C9: variants seen among roughly 807,000 people sequenced by gnomAD.
C9 encodes the protein complement component C9.
C9 carries 63 observed loss-of-function variants against 65.4 expected under a neutral mutation model. That is an observed-to-expected ratio of 0.96 (90% CI 0.79 to 1.19). The LOEUF is 1.19. Among genes scored for constraint, C9 ranks in the 50% most tolerant of loss-of-function variants. The probability of loss-of-function intolerance (pLI) is 0.00; values close to 1 mark genes in which losing one functional copy is unlikely to be tolerated. For missense variants in C9, 744 were observed against 670.1 expected, an observed-to-expected ratio of 1.11 and a Z score of -1.22; for synonymous variants, 229 against 227.9, an observed-to-expected ratio of 1.00 and a Z score of -0.04.
intron 1 of C9, among the ~76,000 whole-genome samples, chr5:39,348,049 C>T (rs148102699): frequency 0.022 from 3,331 of 151,538 alleles, 121 homozygotes; most frequent in African/African-American, 0.077. Flanking sequence ...ACATGTTAGA[C>T]CTAAAACCAT....
intron 6 of C9, among the ~76,000 whole-genome samples, chr5:39,314,642 C>T (rs918901544): frequency 2.6e-5 from 4 of 152,070 alleles, no homozygotes; most frequent in Admixed American, 2.6e-4. Context: ...GTTTTTCCTA[C>T]ATTAGAGACT....
chr5:39,300,778 T>C (rs775319374), intron 9 of C9, among the ~76,000 whole-genome samples: 17 of 152,190 alleles, frequency 1.1e-4, no homozygotes, highest in Non-Finnish European at 2.2e-4. Flanking sequence ...TGTAGAGTTA[T>C]AGATTTCTTA....
chr5:39,354,260 C>T (rs1174144141), intron 1 of C9, among the ~76,000 whole-genome samples: 1 of 152,186 alleles, frequency 6.6e-6, no homozygotes, highest in Non-Finnish European at 1.5e-5. Context: ...TGACAGGCCA[C>T]ATCAAGAGGC....
At chr5:39,331,977 C>T (rs1464475581) in intron 4 of C9, among the ~76,000 whole-genome samples, 163 bp from the exon 5 acceptor site, 3 of 152,150 alleles carry the variant, frequency 2.0e-5, no homozygotes, top group Non-Finnish European at 4.4e-5. Context: ...CACCTTGGCT[C>T]AGTGTCTCTG....
At chr5:39,349,914 C>G (rs1308249859) in intron 1 of C9, among the ~76,000 whole-genome samples, 1 of 152,162 alleles carries the variant, frequency 6.6e-6, no homozygotes, top group Non-Finnish European at 1.5e-5. Context: ...GGATGTCTCT[C>G]TCTCTCTCTT....
intron 4 of C9, 23 bp from the exon 5 acceptor site, chr5:39,331,837 C>G: frequency 6.2e-7 from 1 of 1,610,852 alleles, no homozygotes; most frequent in Non-Finnish European, 8.5e-7. Context: ...AGAGTAGTAT[C>G]AGAAGTGGAA....
intron 5 of C9, among the ~76,000 whole-genome samples, chr5:39,321,265 A>C (rs1476664404): frequency 6.6e-6 from 1 of 152,148 alleles, no homozygotes; most frequent in African/African-American, 2.4e-5. Flanking sequence ...TAATTGTGAC[A>C]TCAAAAACAA....
chr5:39,305,859 T>C (rs1415673745), intron 9 of C9, among the ~76,000 whole-genome samples: 1 of 152,080 alleles, frequency 6.6e-6, no homozygotes, highest in African/African-American at 2.4e-5. Flanking sequence ...TTATGAACAT[T>C]TCTTTCATAA....
At chr5:39,310,072 C>T (rs1240198430) in intron 7 of C9, among the ~76,000 whole-genome samples, 2 of 152,108 alleles carry the variant, frequency 1.3e-5, no homozygotes, top group Non-Finnish European at 2.9e-5. Context: ...ACATTACATT[C>T]CACTCCCCCC....
intron 4 of C9, among the ~76,000 whole-genome samples, chr5:39,340,436 T>C (rs1225674310): frequency 6.6e-6 from 1 of 152,140 alleles, no homozygotes; most frequent in Non-Finnish European, 1.5e-5. Flanking sequence ...GTAGTAGATA[T>C]TCCTAGGATG....
intron 1 of C9, among the ~76,000 whole-genome samples, chr5:39,354,660 A>T (rs115466604): frequency 0.012 from 1,836 of 152,320 alleles, 36 homozygotes; most frequent in African/African-American, 0.042. Context: ...GCTGAACAAA[A>T]CAGAAATGTC....
At chr5:39,354,316 C>G (rs1176954929) in intron 1 of C9, among the ~76,000 whole-genome samples, 2 of 152,130 alleles carry the variant, frequency 1.3e-5, no homozygotes, top group Non-Finnish European at 2.9e-5. Context: ...GTCTCAATAC[C>G]AAGTACATAT....
chr5:39,357,680 G>A (rs1340585736), intron 1 of C9, among the ~76,000 whole-genome samples: 2 of 152,202 alleles, frequency 1.3e-5, no homozygotes, highest in African/African-American at 4.8e-5. Flanking sequence ...GAGTTGGGAG[G>A]GAGGGCAGTG....
At chr5:39,328,244 T>G (rs1400013782) in intron 5 of C9, among the ~76,000 whole-genome samples, 1 of 152,226 alleles carries the variant, frequency 6.6e-6, no homozygotes, top group Non-Finnish European at 1.5e-5. Flanking sequence ...TGAAAGCTCC[T>G]GCCTATGACT....
chr5:39,327,653 C>T (rs920321576), intron 5 of C9, among the ~76,000 whole-genome samples: 2 of 152,026 alleles, frequency 1.3e-5, no homozygotes, highest in African/African-American at 4.8e-5. Context: ...CAATGGCAGA[C>T]AACTGGATAT....
intron 1 of C9, among the ~76,000 whole-genome samples, chr5:39,352,808 C>T (rs1754344610): frequency 6.6e-6 from 1 of 151,972 alleles, no homozygotes; most frequent in African/African-American, 2.4e-5. Context: ...TCAGTAGCTT[C>T]CCACCACTCT....
intron 9 of C9, among the ~76,000 whole-genome samples, chr5:39,302,221 C>T (rs1753298089): frequency 6.6e-6 from 1 of 151,974 alleles, no homozygotes; most frequent in African/African-American, 2.4e-5. Flanking sequence ...TGAAGGGTTC[C>T]ATCTTTTTCT....
At chr5:39,312,707 G>T (rs1263497672) in intron 6 of C9, among the ~76,000 whole-genome samples, 1 of 152,128 alleles carries the variant, frequency 6.6e-6, no homozygotes, top group Non-Finnish European at 1.5e-5. Flanking sequence ...CCACAATTTT[G>T]CAAATGGATC....
intron 4 of C9, among the ~76,000 whole-genome samples, chr5:39,335,148 C>T (rs990931843): frequency 6.6e-6 from 1 of 152,184 alleles, no homozygotes; most frequent in Non-Finnish European, 1.5e-5. Context: ...TAGTGAACTA[C>T]ATATCTGGTG....
Sources: allele counts gnomAD v4.1 joint callset (sites outside exome capture counted in the v4.1 genomes callset), GRCh38; gene constraint gnomAD v4.1.1; transcripts MANE v1.5; gene names NCBI Gene and HGNC (gene_info 2026-07-23, HGNC 2026-07-21).